Variants in LINGO2 observed in about 807,000 individuals in gnomAD.
LINGO2 encodes leucine rich repeat and Ig domain containing 2.
In LINGO2, 14 loss-of-function variants were observed where a neutral mutation model predicts 30.6. That is an observed-to-expected ratio of 0.46 (90% CI 0.30 to 0.72). LINGO2 has a LOEUF of 0.72. LINGO2 is among the 30% of genes least tolerant of loss of function. The pLI, the probability that LINGO2 is intolerant of heterozygous loss-of-function variation, is 0.07. For synonymous variants in LINGO2, 317 were observed against 288.5 expected, an observed-to-expected ratio of 1.10 and a Z score of -1.00; for missense variants, 729 against 751.7, an observed-to-expected ratio of 0.97 and a Z score of 0.35.
chr9:28,911,742 G>T, the LINGO2 span, among the ~76,000 whole-genome samples: 2 of 152,008 alleles, frequency 1.3e-5, no homozygotes, highest in Admixed American at 1.3e-4. Flanking sequence ...CATAATATTG[G>T]AAGGTACAGT....
chr9:29,143,513 T>C, the LINGO2 span, among the ~76,000 whole-genome samples: 1 of 152,074 alleles, frequency 6.6e-6, no homozygotes, highest in Non-Finnish European at 1.5e-5. Context: ...TTTACACATA[T>C]ATAATGAAAT....
At chr9:29,191,129 T>C in the LINGO2 span, among the ~76,000 whole-genome samples, 5 of 152,204 alleles carry the variant, frequency 3.3e-5, no homozygotes, top group South Asian at 2.1e-4. Flanking sequence ...TCAAATGCCA[T>C]TGGATCACAT....
At chr9:28,891,936 A>T in the LINGO2 span, among the ~76,000 whole-genome samples, 1 of 151,826 alleles carries the variant, frequency 6.6e-6, no homozygotes, top group Non-Finnish European at 1.5e-5. Flanking sequence ...CTTTTTTTAT[A>T]AACACTCTAA....
chr9:27,981,534 CAAAAAAAAAAAAAAAAGAAAAAAAAG>C (rs199981317), intron 5 of LINGO2, among the ~76,000 whole-genome samples: 2,428 of 39,912 alleles, frequency 0.061, 147 homozygotes, highest in East Asian at 0.34. Context: ...ACGAGGATGG[CAAAAAAAAAAAAAAAAGAAAAAAAAG>C]AAAAAAAAAG....
the LINGO2 span, among the ~76,000 whole-genome samples, chr9:28,815,941 A>G: frequency 1.3e-5 from 2 of 152,150 alleles, no homozygotes; most frequent in South Asian, 4.1e-4. Context: ...TAAACAATAG[A>G]AGTTTAATTA....
At chr9:28,832,798 C>T in the LINGO2 span, among the ~76,000 whole-genome samples, 1 of 152,096 alleles carries the variant, frequency 6.6e-6, no homozygotes, top group South Asian at 2.1e-4. Flanking sequence ...TCTACATAGT[C>T]AAAAGGCACT....
the LINGO2 span, among the ~76,000 whole-genome samples, chr9:28,941,966 T>C: frequency 6.6e-6 from 1 of 152,152 alleles, no homozygotes; most frequent in Non-Finnish European, 1.5e-5. Context: ...TATTTCTTCC[T>C]TAAGCTCCTT....
At chr9:28,574,051 T>C (rs1363425976) in intron 1 of LINGO2, among the ~76,000 whole-genome samples, 1 of 152,216 alleles carries the variant, frequency 6.6e-6, no homozygotes, top group Non-Finnish European at 1.5e-5. Flanking sequence ...GATTCACTGA[T>C]ACTTGATGAA....
chr9:28,003,679 T>C (rs574478974), intron 5 of LINGO2, among the ~76,000 whole-genome samples: 17 of 152,314 alleles, frequency 1.1e-4, no homozygotes, highest in Admixed American at 7.8e-4. Flanking sequence ...GCCAGGATGG[T>C]CTCGATCTCC....
At chr9:28,776,813 C>G in the LINGO2 span, among the ~76,000 whole-genome samples, 1 of 151,112 alleles carries the variant, frequency 6.6e-6, no homozygotes. Flanking sequence ...TATAGAACCC[C>G]AGTCACACAG....
the LINGO2 span, among the ~76,000 whole-genome samples, chr9:28,851,953 C>T: frequency 6.6e-6 from 1 of 151,726 alleles, no homozygotes; most frequent in African/African-American, 2.4e-5. Flanking sequence ...CAATACTAGT[C>T]CTCCTCTACT....
the LINGO2 span, among the ~76,000 whole-genome samples, chr9:28,767,342 T>C: frequency 1.3e-5 from 2 of 152,174 alleles, no homozygotes; most frequent in Non-Finnish European, 2.9e-5. Context: ...CATCCTGTAA[T>C]ACACATTAAA....
At chr9:29,105,163 A>G in the LINGO2 span, among the ~76,000 whole-genome samples, 1 of 152,228 alleles carries the variant, frequency 6.6e-6, no homozygotes, top group Non-Finnish European at 1.5e-5. Flanking sequence ...TTTGAACACC[A>G]AGAGTAAATG....
At chr9:27,965,217 G>A (rs1820040687) in intron 5 of LINGO2, among the ~76,000 whole-genome samples, 1 of 151,904 alleles carries the variant, frequency 6.6e-6, no homozygotes, top group Non-Finnish European at 1.5e-5. Context: ...TTTGCCTAAT[G>A]TTACAGTCTC....
rs1825705085 is a variant in LINGO2 at position 28,079,120 on chromosome 9, G to A, written c.-86-66715C>T. The stretch of plus-strand genomic sequence containing the variant: ...TATTTGTTAAATTTGCAGGTGACAA[G>A]AAACTTGAAATACTACTATTAGGCT... On this transcript the variant is annotated intron_variant, in intron 4 of 5. Coordinates refer to ENST00000379992, the Ensembl canonical transcript of LINGO2. Among the ~76,000 whole-genome samples the A allele has an allele frequency of 1.5e-5, 2 of 136,262 alleles. 1 individual carries two copies. Among genetic ancestry groups the A allele is most frequent in the African/African-American group, 7.5e-5 (2 of 26,774 alleles). The allele number at this position is 136,262 out of a possible 152,430, so 89.4% of individuals were successfully genotyped here. A position where few individuals can be genotyped will look rare whatever the true frequency, so the allele number is the denominator to read the frequency against.
intron 4 of LINGO2, among the ~76,000 whole-genome samples, chr9:28,152,776 CTT>C (rs941271291): frequency 6.6e-6 from 1 of 152,024 alleles, no homozygotes; most frequent in Non-Finnish European, 1.5e-5. Flanking sequence ...TAGGAGCAAA[CTT>C]AAATCAATAT....
intron 4 of LINGO2, among the ~76,000 whole-genome samples, chr9:28,202,355 A>C (rs989486320): frequency 2.6e-5 from 4 of 152,060 alleles, no homozygotes; most frequent in African/African-American, 9.7e-5. Context: ...ATTTGTAACA[A>C]ATACACCTGC....
intron 3 of LINGO2, among the ~76,000 whole-genome samples, chr9:28,332,525 AG>A (rs2134350911): frequency 6.6e-6 from 1 of 151,804 alleles, no homozygotes; most frequent in South Asian, 2.1e-4. Flanking sequence ...AAATCATCCT[AG>A]GGTGGTACTA....
At chr9:28,985,114 C>A in the LINGO2 span, among the ~76,000 whole-genome samples, 1 of 152,082 alleles carries the variant, frequency 6.6e-6, no homozygotes, top group East Asian at 1.9e-4. Context: ...TGAAAACATG[C>A]AGTATTTGTC....
Sources: gnomAD v4.1 joint callset for allele counts (sites outside exome capture counted in the v4.1 genomes callset) on GRCh38, gnomAD v4.1.1 for gene constraint, MANE v1.5 for transcripts, NCBI Gene and HGNC (gene_info 2026-07-23, HGNC 2026-07-21) for gene names.